The following ZNF605 variants were observed in gnomAD, a reference collection of about 807,000 sequenced individuals.
The protein encoded by ZNF605 is zinc finger protein 605.
In ZNF605, 9 loss-of-function variants were observed where a neutral mutation model predicts 7.9. The ratio of observed to expected loss-of-function variants is 1.14; its 90% CI spans 0.68 to 1.98. The LOEUF (loss-of-function observed/expected upper bound fraction) is 1.98. Ranked by LOEUF, ZNF605 falls within the 30% of genes most tolerant of loss-of-function variation. The pLI is 0.00. For synonymous variants in ZNF605, 255 were observed against 260.1 expected (o/e 0.98, Z 0.19); for missense variants, 673 against 762.4 (o/e 0.88, Z 1.38).
Position 132,950,683 on chromosome 12 carries a change from C to T in ZNF605, c.-285-2413G>A, listed in dbSNP as rs1355417450. 2.6e-5 allele frequency among the ~76,000 whole-genome samples: 4 copies of T among 151,516 alleles called. No individual in the cohort carries two copies. In the South Asian group the frequency reaches 6.2e-4, roughly 24 times the overall value. ...AGACACACACAGATACACAGGTACA[C>T]ACACAGTACACACAGACATGCACAC... On this transcript the variant is annotated intron_variant, in intron 1 of 4. Transcript: ENST00000360187.
intron 3 of ZNF605, among the ~76,000 whole-genome samples, chr12:132,938,776 G>A (rs1314722973): frequency 6.6e-6 from 1 of 152,144 alleles, no homozygotes; most frequent in African/African-American, 2.4e-5. Flanking sequence ...CGGGAACCGG[G>A]GCTGTGTGCG....
rs1952211715 is a variant in ZNF605 at position 132,922,140 on chromosome 12, G to A, written c.*3233C>T. 1 of 152,088 alleles carries A rather than the reference G, an allele frequency of 6.6e-6. No homozygotes were observed. Among genetic ancestry groups the A allele is most frequent in the Non-Finnish European group, 1.5e-5 (1 of 68,030 alleles). The allele number at this position is 152,088 out of a possible 1,614,324, so 9.4% of individuals were successfully genotyped here. A position where few individuals can be genotyped will look rare whatever the true frequency, so the allele number is the denominator to read the frequency against. ...GAATGGTAGCAGATGATGGGTCAGGGGTATTTTAATTGTACAGCATAACAC... is the reference window on the plus strand; with the variant it reads ...GAATGGTAGCAGATGATGGGTCAGGAGTATTTTAATTGTACAGCATAACAC... On this transcript the variant is annotated 3_prime_UTR_variant, in exon 5 of 5. Transcript: ENST00000360187.
At position 132,929,040 on chromosome 12, in the gene ZNF605, A is replaced by AAC. The variant is rs1198557663; in HGVS notation, c.137-1879_137-1878insGT. Among the ~76,000 whole-genome samples the AAC allele has an allele frequency of 4.6e-4, 5 of 10,930 alleles. No homozygotes were observed. In the Non-Finnish European group the frequency reaches 8.8e-3, roughly 19 times the overall value. The allele number at this position is 10,930 out of a possible 152,430, so 7.2% of individuals were successfully genotyped here. A position where few individuals can be genotyped will look rare whatever the true frequency, so the allele number is the denominator to read the frequency against. ...AAAACAAAACAAAACAAAACAAAAC[A>AAC]AAACAAAAAAACCCCAAAAACTACT... is the stretch of plus-strand genomic sequence containing the variant. On this transcript the variant is annotated intron_variant, in intron 4 of 4. Coordinates refer to ENST00000360187, the MANE Select transcript of ZNF605 (RefSeq NM_183238.4).
intron 1 of ZNF605, among the ~76,000 whole-genome samples, chr12:132,954,439 T>G (rs1593609336): frequency 1.8e-5 from 1 of 54,888 alleles, no homozygotes; most frequent in Non-Finnish European, 3.5e-5. Flanking sequence ...AGGAGAAGGG[T>G]AGGGAGGGGA....
chr12:132,928,206 T>C (rs1952268012), intron 4 of ZNF605, among the ~76,000 whole-genome samples: 2 of 152,208 alleles, frequency 1.3e-5, no homozygotes, highest in African/African-American at 4.8e-5. Context: ...TGTTGAATGG[T>C]ATAATAGAAA....
chr12:132,927,925 G>A (rs1952265185), intron 4 of ZNF605, among the ~76,000 whole-genome samples: 2 of 152,188 alleles, frequency 1.3e-5, no homozygotes, highest in Non-Finnish European at 2.9e-5. Context: ...AAAGTGCTGG[G>A]ATTACAGGCG....
At chr12:132,953,459 A>G (rs376237071) in intron 1 of ZNF605, among the ~76,000 whole-genome samples, 1 of 152,080 alleles carries the variant, frequency 6.6e-6, no homozygotes, top group African/African-American at 2.4e-5. Context: ...ATGGAGTCTC[A>G]CTCTGTCATC....
At chr12:132,949,593 G>A (rs1337734153) in intron 1 of ZNF605, among the ~76,000 whole-genome samples, 1 of 152,066 alleles carries the variant, frequency 6.6e-6, no homozygotes, top group African/African-American at 2.4e-5. Context: ...AGCAGGAGGC[G>A]GAGACCAGTG....
chr12:132,927,565 C>T (rs916799392), intron 4 of ZNF605, among the ~76,000 whole-genome samples: 27 of 152,056 alleles, frequency 1.8e-4, no homozygotes, highest in Middle Eastern at 6.8e-3. Context: ...GGGGTTTCAC[C>T]GTGTTAGCCA....
chr12:132,954,241 A>AC (rs1460952292), intron 1 of ZNF605, among the ~76,000 whole-genome samples: 1 of 144,630 alleles, frequency 6.9e-6, no homozygotes, highest in African/African-American at 2.6e-5. Context: ...AATCACCAGC[A>AC]CCCCCAAAGC....
intron 1 of ZNF605, among the ~76,000 whole-genome samples, chr12:132,949,123 C>A (rs1009359099): frequency 6.6e-6 from 1 of 152,184 alleles, no homozygotes; most frequent in Admixed American, 6.5e-5. Context: ...GCCTTCTTAT[C>A]GCCGTGATGT....
At chr12:132,938,687 T>C (rs1277069993) in intron 3 of ZNF605, among the ~76,000 whole-genome samples, 1 of 152,176 alleles carries the variant, frequency 6.6e-6, no homozygotes, top group Non-Finnish European at 1.5e-5. Context: ...CACTGCACTG[T>C]GGGAGCCCCT....
Position 132,933,144 on chromosome 12 carries a change from C to T in ZNF605, c.27G>A (p.Glu9=). The T allele has an allele frequency of 6.2e-7, 1 of 1,607,422 alleles. No individual in the cohort carries two copies. The highest frequency in any genetic ancestry group is 1.1e-5 in the South Asian group (1 of 90,070). ...CCAGCGTGAAATCCACAGCCACATC[C>T]TCAAATGATATCTGGAAAAGCATAA... The part of the protein sequence containing the change: MIQSQISF[E]DVAVDFTLEE... Residue 9 remains glutamate (E), a synonymous_variant, in exon 4 of 5, where the codon GAG becomes GAA. Coordinates refer to ENST00000360187, the MANE Select transcript of ZNF605 (RefSeq NM_183238.4). The surrounding 1 kb of genome is among the most constrained non-coding windows in gnomAD (Gnocchi z 4.4).
intron 1 of ZNF605, among the ~76,000 whole-genome samples, chr12:132,951,018 A>C (rs986273654): frequency 6.6e-6 from 1 of 151,712 alleles, no homozygotes; most frequent in Non-Finnish European, 1.5e-5. Context: ...AGACATACTG[A>C]TAACACGTAC....
Position 132,919,039 on chromosome 12 carries a change from C to G in ZNF605, c.*6334G>C, listed in dbSNP as rs1952180840. ...TACCCTCAGAGCTGCCTGGCAAATACCATGGTTTGGGGACGAATCTACACT... is the reference window on the plus strand; with the variant it reads ...TACCCTCAGAGCTGCCTGGCAAATAGCATGGTTTGGGGACGAATCTACACT... On this transcript the variant is annotated 3_prime_UTR_variant, in exon 5 of 5. Transcript: ENST00000360187. 6.6e-6 allele frequency: 1 copy of G among 151,148 alleles called. No individual in the cohort carries two copies. The allele number at this position is 151,148 out of a possible 1,614,324, so 9.4% of individuals were successfully genotyped here.
intron 3 of ZNF605, among the ~76,000 whole-genome samples, chr12:132,944,359 G>C (rs1176688267): frequency 2.6e-5 from 4 of 152,182 alleles, no homozygotes; most frequent in Non-Finnish European, 5.9e-5. Flanking sequence ...TGAGAGGGGA[G>C]AGGCTGACTA....
intron 1 of ZNF605, among the ~76,000 whole-genome samples, chr12:132,952,205 C>G (rs1952580467): frequency 1.3e-5 from 2 of 151,988 alleles, no homozygotes; most frequent in African/African-American, 4.8e-5. Context: ...GCCTGTAATC[C>G]CAGCACTTTG....
rs763222114 is a variant in ZNF605 at position 132,924,104 on chromosome 12, T to C, written c.*1269A>G. ...TATATTTACAATAGCTCTTTTAATA[T>C]CCTTGTCTACTAATTCCATCACCTC... On this transcript the variant is annotated 3_prime_UTR_variant, in exon 5 of 5. Transcript: ENST00000360187. 1 of 152,210 alleles carries C rather than the reference T, an allele frequency of 6.6e-6. No individual in the cohort carries two copies. Among genetic ancestry groups the C allele is most frequent in the Non-Finnish European group, 1.5e-5 (1 of 68,042 alleles). 9.4% of individuals were successfully genotyped at this position (152,210 alleles called of 1,614,324 possible). A position where few individuals can be genotyped will look rare whatever the true frequency, so the allele number is the denominator to read the frequency against.
At chr12:132,950,007 C>T (rs1952540723) in intron 1 of ZNF605, among the ~76,000 whole-genome samples, 1 of 152,012 alleles carries the variant, frequency 6.6e-6, no homozygotes, top group African/African-American at 2.4e-5. Context: ...GACGCAGCTC[C>T]TCCTGAGACG....
Sources: gnomAD v4.1 joint callset for allele counts (sites outside exome capture counted in the v4.1 genomes callset) on GRCh38, gnomAD v4.1.1 for gene constraint, Gnocchi (gnomAD v3.1) non-coding constraint, MANE v1.5 for transcripts, NCBI Gene and HGNC (gene_info 2026-07-23, HGNC 2026-07-21) for gene names.